DSTN: variants seen among roughly 807,000 people sequenced by gnomAD.
The protein encoded by DSTN is destrin, actin depolymerizing factor, also known as destrin.
In DSTN, 10 loss-of-function variants were observed where a neutral mutation model predicts 16.8. That is an observed-to-expected ratio of 0.60 (90% confidence interval 0.37 to 1.01). DSTN has a LOEUF of 1.01. Among genes scored for constraint, DSTN ranks in the 50% least tolerant of loss-of-function variants. The pLI is 0.01. For missense variants in DSTN, 141 were observed against 196.7 expected (o/e 0.72, Z 1.69); for synonymous variants, 57 against 58.9 (o/e 0.97, Z 0.14).
chr20:17,578,004 G>A lies in DSTN; in HGVS notation c.3+7793G>A, dbSNP rs374541608. On this transcript the variant is annotated intron_variant, in intron 1 of 3. Transcript: ENST00000246069. ...CACACTAGCCACATTTAAAGGACTC[G>A]TTAAGTCACATGTGGCTAGTGGCCA... Among the ~76,000 whole-genome samples, 193 of 152,314 alleles carry A rather than the reference G, an allele frequency of 1.3e-3. 1 individual carries two copies. The highest frequency in any genetic ancestry group is 2.8e-3 in the African/African-American group (116 of 41,578).
intron 1 of DSTN, among the ~76,000 whole-genome samples, chr20:17,574,745 A>AAC (rs2035250262): frequency 6.7e-6 from 1 of 149,502 alleles, no homozygotes; most frequent in Non-Finnish European, 1.5e-5. Flanking sequence ...AAAAAAAAAA[A>AAC]AATTAAAAGT....
chr20:17,596,949 G>A (rs886953354), intron 1 of DSTN, among the ~76,000 whole-genome samples: 3 of 152,182 alleles, frequency 2.0e-5, no homozygotes, highest in Non-Finnish European at 4.4e-5. Flanking sequence ...TTTAAAGATT[G>A]GTTGATTGAA....
At chr20:17,604,713 A>C in intron 3 of DSTN, 82 bp downstream of exon 3, 2 of 1,350,168 alleles carry the variant, frequency 1.5e-6, no homozygotes, top group Non-Finnish European at 2.0e-6. Context: ...GAAGCACCTT[A>C]TTTTTTTGCA....
At chr20:17,578,279 A>C (rs2035301798) in intron 1 of DSTN, among the ~76,000 whole-genome samples, 1 of 152,246 alleles carries the variant, frequency 6.6e-6, no homozygotes, top group Non-Finnish European at 1.5e-5. Context: ...GATGTTACTG[A>C]ATGAACATGA....
intron 1 of DSTN, among the ~76,000 whole-genome samples, chr20:17,583,605 G>T (rs1209874311): frequency 7.1e-6 from 1 of 141,744 alleles, no homozygotes; most frequent in Non-Finnish European, 1.5e-5. Flanking sequence ...ATGACATATT[G>T]TGTGATTCCA....
chr20:17,575,634 C>T (rs2035270293), intron 1 of DSTN, among the ~76,000 whole-genome samples: 1 of 151,842 alleles, frequency 6.6e-6, no homozygotes, highest in South Asian at 2.1e-4. Flanking sequence ...CCCAGCTAAG[C>T]TTTGTATTTT....
Position 17,588,506 on chromosome 20 carries a change from G to T in DSTN, c.4-12232G>T, listed in dbSNP as rs138418618. Among the ~76,000 whole-genome samples the T allele has an allele frequency of 5.2e-3, 792 of 152,316 alleles. 9 individuals carry two copies. The highest frequency in any genetic ancestry group is 0.018 in the African/African-American group (740 of 41,568). On this transcript the variant is annotated intron_variant, in intron 1 of 3. Transcript: ENST00000246069. Reference sequence around the variant, plus strand: ...GGAATAAAAAGGAACATTTGGCTGGGCACGGTTGCTCACGCCTGTAATCCC... The same window carrying T: ...GGAATAAAAAGGAACATTTGGCTGGTCACGGTTGCTCACGCCTGTAATCCC...
chr20:17,578,969 A>G (rs77478499), intron 1 of DSTN, among the ~76,000 whole-genome samples: 2 of 151,874 alleles, frequency 1.3e-5, no homozygotes, highest in Non-Finnish European at 2.9e-5. Context: ...CTCAAAAAAA[A>G]AAAAAAAAAA....
intron 2 of DSTN, among the ~76,000 whole-genome samples, chr20:17,601,385 G>A (rs1405515289): frequency 2.7e-5 from 4 of 150,752 alleles, no homozygotes; most frequent in Non-Finnish European, 4.4e-5. Context: ...CTTTTCCAAC[G>A]AGCCATGCCA....
chr20:17,604,346 C>G (rs759769903), intron 2 of DSTN, among the ~76,000 whole-genome samples: 63 of 152,122 alleles, frequency 4.1e-4, no homozygotes, highest in Non-Finnish European at 7.9e-4. Context: ...TTTTCCCACC[C>G]TGGTCAACCT....
At chr20:17,591,408 A>G (rs2035467466) in intron 1 of DSTN, among the ~76,000 whole-genome samples, 1 of 151,860 alleles carries the variant, frequency 6.6e-6, no homozygotes, top group Non-Finnish European at 1.5e-5. Context: ...GAAAGGGCCC[A>G]TAGGCTTTGC....
chr20:17,594,740 G>A (rs750544071), intron 1 of DSTN, among the ~76,000 whole-genome samples: 1 of 152,170 alleles, frequency 6.6e-6, no homozygotes, highest in Non-Finnish European at 1.5e-5. Context: ...CAAGTAAGAG[G>A]CAATGGAAGC....
Position 17,607,030 on chromosome 20 carries a change from T to C in DSTN, c.389-7T>C. The C allele has an allele frequency of 6.2e-7, 1 of 1,612,198 alleles. No homozygotes were observed. The highest frequency in any genetic ancestry group is 8.5e-7 in the Non-Finnish European group (1 of 1,179,410). On this transcript the variant is annotated splice_polypyrimidine_tract_variant and splice_region_variant and intron_variant, in intron 3 of 3. Coordinates refer to ENST00000246069, the MANE Select transcript of DSTN (RefSeq NM_006870.4). ...TTGTAAATAGAAGTGTTGTTTTTTCTCTCTAGGCATAAAACATGAATGTCA... is the reference window on the plus strand; with the variant it reads ...TTGTAAATAGAAGTGTTGTTTTTTCCCTCTAGGCATAAAACATGAATGTCA...
chr20:17,605,810 A>G (rs2035636057), intron 3 of DSTN, among the ~76,000 whole-genome samples: 1 of 152,196 alleles, frequency 6.6e-6, no homozygotes, highest in South Asian at 2.1e-4. Context: ...TGATACTAAA[A>G]GATAGTGGCC....
At chr20:17,578,644 C>T (rs747017332) in intron 1 of DSTN, among the ~76,000 whole-genome samples, 22 of 152,070 alleles carry the variant, frequency 1.4e-4, no homozygotes, top group African/African-American at 4.1e-4. Flanking sequence ...CATAGAAAAG[C>T]GCTCAAAAGC....
At chr20:17,571,967 A>AC (rs1447618926) in intron 1 of DSTN, among the ~76,000 whole-genome samples, 2 of 151,652 alleles carry the variant, frequency 1.3e-5, no homozygotes, top group African/African-American at 2.4e-5. Flanking sequence ...CAGATTATAG[A>AC]CCCCCCATTT....
At chr20:17,602,819 G>A (rs2035600757) in intron 2 of DSTN, among the ~76,000 whole-genome samples, 1 of 152,138 alleles carries the variant, frequency 6.6e-6, no homozygotes, top group Admixed American at 6.5e-5. Flanking sequence ...GAGGTCAAGA[G>A]ATCGAGACCA....
intron 1 of DSTN, among the ~76,000 whole-genome samples, chr20:17,594,807 T>G (rs964723067): frequency 1.3e-5 from 2 of 151,772 alleles, no homozygotes; most frequent in East Asian, 1.9e-4. Context: ...ATCCAAAGAG[T>G]AAGATAATGG....
At chr20:17,606,388 TTTCA>T (rs1475308083) in intron 3 of DSTN, among the ~76,000 whole-genome samples, 3 of 152,250 alleles carry the variant, frequency 2.0e-5, no homozygotes, top group African/African-American at 7.2e-5. Flanking sequence ...TTCACATAGT[TTTCA>T]TTGTGATCGA....
Sources: gnomAD v4.1 joint callset for allele counts (sites outside exome capture counted in the v4.1 genomes callset) on GRCh38, gnomAD v4.1.1 for gene constraint, MANE v1.5 for transcripts, NCBI Gene and HGNC (gene_info 2026-07-23, HGNC 2026-07-21) for gene names.